The following HECW2 variants were observed in gnomAD, a reference collection of about 807,000 sequenced individuals.
HECW2 encodes HECT, C2 and WW domain containing E3 ubiquitin protein ligase 2, also known as E3 ubiquitin-protein ligase HECW2.
A neutral mutation model predicts 175.2 loss-of-function variants in HECW2; 61 were observed. That is an observed-to-expected ratio of 0.35 (90% CI 0.28 to 0.43). The LOEUF (loss-of-function observed/expected upper bound fraction) is 0.43. Among genes scored for constraint, HECW2 ranks in the 20% least tolerant of loss-of-function variants. HECW2 has a pLI of 1.00. For missense variants in HECW2, 1,524 were observed against 2,000.5 expected (o/e 0.76, Z 4.54); for synonymous variants, 671 against 731.0 (o/e 0.92, Z 1.32).
At chr2:196,230,415 GAT>G (rs1431738221) in intron 21 of HECW2, among the ~76,000 whole-genome samples, 1 of 152,170 alleles carries the variant, frequency 6.6e-6, no homozygotes, top group Admixed American at 6.5e-5. Context: ...AGATCCTGAA[GAT>G]ATAAAACGTT....
intron 1 of HECW2, among the ~76,000 whole-genome samples, chr2:196,521,217 T>A (rs1359326228): frequency 7.0e-6 from 1 of 141,852 alleles, no homozygotes; most frequent in Non-Finnish European, 1.5e-5. Flanking sequence ...GATCATTACT[T>A]CAAAGGGTTT....
chr2:196,323,899 G>GTTTTTTTTTT (rs1183919803), intron 6 of HECW2, among the ~76,000 whole-genome samples: 2 of 118,142 alleles, frequency 1.7e-5, no homozygotes, highest in African/African-American at 7.2e-5. Flanking sequence ...GCCCTTAAGA[G>GTTTTTTTTTT]TTTTTTTTGT....
chr2:196,465,014 T>A (rs1696896293), intron 1 of HECW2, among the ~76,000 whole-genome samples: 1 of 152,018 alleles, frequency 6.6e-6, no homozygotes, highest in Non-Finnish European at 1.5e-5. Flanking sequence ...CCAGCCCGGG[T>A]GACAGTACAA....
intron 1 of HECW2, among the ~76,000 whole-genome samples, chr2:196,474,524 C>A (rs549507162): frequency 6.6e-6 from 1 of 152,302 alleles, no homozygotes; most frequent in South Asian, 2.1e-4. Flanking sequence ...TCAAAGAATT[C>A]TTCACAAACA....
In HECW2 at chr2:196,274,974, T is replaced by C. The variant is rs550460712; in HGVS notation, c.3136-851A>G. On this transcript the variant is annotated intron_variant, in intron 15 of 28. Coordinates refer to ENST00000644978, the MANE Select transcript of HECW2 (RefSeq NM_001348768.2). Reference sequence around the variant, plus strand: ...AAAATAACACACTGTACTGGATTTATAAACTGGGATTTTGAAAAGAGAGTT... The same window carrying C: ...AAAATAACACACTGTACTGGATTTACAAACTGGGATTTTGAAAAGAGAGTT... Among the ~76,000 whole-genome samples, 4 of 152,378 alleles carry C rather than the reference T, an allele frequency of 2.6e-5. No homozygotes were observed. In the East Asian group the frequency reaches 5.8e-4, roughly 22 times the overall value.
rs1686758955 is a variant in HECW2, at chr2:196,198,533, A to G, written c.*2744T>C. On this transcript the variant is annotated 3_prime_UTR_variant, in exon 29 of 29. Transcript: ENST00000644978. Reference sequence around the variant, plus strand: ...GGCAGATTTAGACTCTTGTAGCTCCATCGTCAAACAAACATCAAACTGGCA... The same window carrying G: ...GGCAGATTTAGACTCTTGTAGCTCCGTCGTCAAACAAACATCAAACTGGCA... 6.6e-6 allele frequency: 1 copy of G among 152,260 alleles called. No individual in the cohort carries two copies. The highest frequency in any genetic ancestry group is 1.9e-4 in the East Asian group (1 of 5,198). 9.4% of individuals were successfully genotyped at this position (152,260 alleles called of 1,614,324 possible).
intron 1 of HECW2, among the ~76,000 whole-genome samples, chr2:196,487,576 C>A (rs1687051880): frequency 6.6e-6 from 1 of 152,106 alleles, no homozygotes; most frequent in Admixed American, 6.6e-5. Context: ...AGAAATTGGC[C>A]TATTTGGTCA....
At chr2:196,298,312 G>A (rs929447945) in intron 13 of HECW2, among the ~76,000 whole-genome samples, 1 of 152,010 alleles carries the variant, frequency 6.6e-6, no homozygotes, top group African/African-American at 2.4e-5. Context: ...ACAACCATTA[G>A]AGGGCAGTAG....
intron 1 of HECW2, among the ~76,000 whole-genome samples, chr2:196,551,497 T>A (rs1202727043): frequency 6.6e-6 from 1 of 152,232 alleles, no homozygotes; most frequent in African/African-American, 2.4e-5. Context: ...TTCATAGACA[T>A]AACCTAGCAG....
chr2:196,232,925 G>A (rs1688107743), intron 21 of HECW2, among the ~76,000 whole-genome samples: 1 of 152,190 alleles, frequency 6.6e-6, no homozygotes, highest in South Asian at 2.1e-4. Context: ...CACTGATGGA[G>A]TCACCTCTAA....
rs1298695260 is a variant in HECW2 at position 196,319,474 on chromosome 2, G to A, written c.1416C>T (p.Phe472=). The change falls in exon 9 of 29, where the codon TTC becomes TTT. Residue 472 remains phenylalanine, a synonymous_variant. Coordinates refer to ENST00000644978, the MANE Select transcript of HECW2 (RefSeq NM_001348768.2). The part of the protein sequence containing the change: ...HIDSDEEDHE[F]QQDLGYPSSL... ...AAGATGGGTAACCCAGGTCTTGCTGGAACTCGTGATCTTCTTCATCTGAAT... is the reference window on the plus strand; with the variant it reads ...AAGATGGGTAACCCAGGTCTTGCTGAAACTCGTGATCTTCTTCATCTGAAT... The A allele has an allele frequency of 6.2e-7, 1 of 1,613,984 alleles. No individual in the cohort carries two copies.
chr2:196,383,983 A>G (rs773772597), intron 2 of HECW2, among the ~76,000 whole-genome samples: 3 of 152,208 alleles, frequency 2.0e-5, no homozygotes, highest in Non-Finnish European at 1.5e-5. Flanking sequence ...TGGGAATTGT[A>G]CAACCTCAAC....
chr2:196,550,221 T>C lies in HECW2; in HGVS notation c.-36+43287A>G, dbSNP rs72914651. Among the ~76,000 whole-genome samples, 115 of 152,336 alleles carry C rather than the reference T, an allele frequency of 7.5e-4. 1 individual carries two copies. Among genetic ancestry groups the C allele is most frequent in the Middle Eastern group, 3.4e-3 (1 of 294 alleles). ...GACTGACTGACTCTCTTTCACTTCATATTCTAAGCTTGGACTCTAATTCCT... is the reference window on the plus strand; with the variant it reads ...GACTGACTGACTCTCTTTCACTTCACATTCTAAGCTTGGACTCTAATTCCT... On this transcript the variant is annotated intron_variant, in intron 1 of 28. Transcript: ENST00000644978.
intron 2 of HECW2, among the ~76,000 whole-genome samples, chr2:196,412,459 G>A (rs1465389299): frequency 1.3e-5 from 2 of 152,186 alleles, no homozygotes; most frequent in Non-Finnish European, 2.9e-5. Flanking sequence ...TATGAATTTG[G>A]GGGGTGCCAG....
chr2:196,420,838 G>GA lies in HECW2; in HGVS notation c.292+12293dup, dbSNP rs1695389377. Among the ~76,000 whole-genome samples, 3 of 151,912 alleles carry GA rather than the reference G, an allele frequency of 2.0e-5. No individual in the cohort carries two copies. In the South Asian group the frequency reaches 6.2e-4, roughly 32 times the overall value. On this transcript the variant is annotated intron_variant, in intron 2 of 28. Coordinates refer to ENST00000644978, the MANE Select transcript of HECW2 (RefSeq NM_001348768.2). ...GGTTTGTTACATAGAATATGTCTAT[G>GA]AAAAAAACACAATAATAATAGTAAT...
chr2:196,391,466 A>C (rs1018222483), intron 2 of HECW2, among the ~76,000 whole-genome samples: 1 of 152,188 alleles, frequency 6.6e-6, no homozygotes, highest in African/African-American at 2.4e-5. Context: ...TTTTGTACTG[A>C]ATTGATACTG....
chr2:196,475,901 A>C (rs1440681156), intron 1 of HECW2, among the ~76,000 whole-genome samples: 1 of 152,234 alleles, frequency 6.6e-6, no homozygotes, highest in Non-Finnish European at 1.5e-5. Flanking sequence ...GGCAAACCAC[A>C]GCCAATCTCA....
chr2:196,357,024 G>A (rs1185346148), intron 2 of HECW2, among the ~76,000 whole-genome samples: 2 of 152,146 alleles, frequency 1.3e-5, no homozygotes, highest in Admixed American at 6.6e-5. Flanking sequence ...CACACTCTGA[G>A]GATAATGGAA....
chr2:196,563,550 C>CA (rs1217628617), intron 1 of HECW2, among the ~76,000 whole-genome samples: 1 of 151,712 alleles, frequency 6.6e-6, no homozygotes. Flanking sequence ...ACTTGGGTGA[C>CA]AGAGTGAGAC....
Sources: allele counts gnomAD v4.1 joint callset (sites outside exome capture counted in the v4.1 genomes callset), GRCh38; gene constraint gnomAD v4.1.1; transcripts MANE v1.5; gene names NCBI Gene and HGNC (gene_info 2026-07-23, HGNC 2026-07-21).